The following PACC1 variants were observed in gnomAD, a reference collection of about 807,000 sequenced individuals.
PACC1 encodes the protein proton-activated chloride channel.
Under a neutral mutation model 39.7 loss-of-function variants are expected in PACC1, and 34 were observed. The observed-to-expected ratio is 0.86, with a 90% CI of 0.65 to 1.14. The LOEUF (loss-of-function observed/expected upper bound fraction) is 1.14. PACC1 is among the 50% of genes most tolerant of loss of function. The probability of loss-of-function intolerance (pLI) is 0.00; values close to 1 mark genes in which losing one functional copy is unlikely to be tolerated. For synonymous variants in PACC1, 127 were observed against 160.6 expected, an observed-to-expected ratio of 0.79 and a Z score of 1.58; for missense variants, 379 against 436.4, an observed-to-expected ratio of 0.87 and a Z score of 1.17.
intron 2 of PACC1, among the ~76,000 whole-genome samples, chr1:212,406,739 A>C (rs1661935028): frequency 6.6e-6 from 1 of 152,238 alleles, no homozygotes; most frequent in Non-Finnish European, 1.5e-5. Context: ...GGAACTACCC[A>C]AAATTTGCTC....
At chr1:212,373,715 A>C (rs1458746717) in intron 7 of PACC1, among the ~76,000 whole-genome samples, 1 of 152,222 alleles carries the variant, frequency 6.6e-6, no homozygotes, top group Admixed American at 6.5e-5. Context: ...TTATCCCAAA[A>C]GATGATATTC....
chr1:212,407,075 G>A (rs1265488694), intron 2 of PACC1, among the ~76,000 whole-genome samples: 1 of 152,212 alleles, frequency 6.6e-6, no homozygotes, highest in Admixed American at 6.5e-5. Flanking sequence ...TGGAAAAGGG[G>A]AATTAGGGCA....
In PACC1 at chr1:212,365,165, A is replaced by T. The variant is rs933670407; in HGVS notation, c.*50T>A. On this transcript the variant is annotated 3_prime_UTR_variant, in exon 8 of 8. Coordinates refer to ENST00000261455, the MANE Select transcript of PACC1 (RefSeq NM_018252.3). ...TAGCTCCGTTTACAAAGTGGAAGTG[A>T]TGACAGCTCCCATTGATGTGGACAG... 3.2e-6 allele frequency: 5 copies of T among 1,572,870 alleles called. No homozygotes were observed. The highest frequency in any genetic ancestry group is 4.3e-6 in the Non-Finnish European group (5 of 1,157,352).
At chr1:212,392,015 C>T (rs1182330894) in intron 2 of PACC1, among the ~76,000 whole-genome samples, 1 of 152,198 alleles carries the variant, frequency 6.6e-6, no homozygotes, top group African/African-American at 2.4e-5. Flanking sequence ...TTGGAAAACA[C>T]TCTGCAGGAT....
In PACC1 at chr1:212,386,836, C is replaced by A. The variant is rs938261201; in HGVS notation, c.343+55G>T. ...ACAACGGCAGCTCAGGGAGTATCTGCCAGCTGACACCCTAGATCTGGGGCC... is the reference window on the plus strand; with the variant it reads ...ACAACGGCAGCTCAGGGAGTATCTGACAGCTGACACCCTAGATCTGGGGCC... On this transcript the variant is annotated intron_variant, in intron 3 of 7. Transcript: ENST00000261455. The surrounding 1 kb of genome is among the most constrained non-coding windows in gnomAD (Gnocchi z 5.0). 41 of 1,567,058 alleles carry A rather than the reference C, an allele frequency of 2.6e-5. No homozygotes were observed. The highest frequency in any genetic ancestry group is 3.2e-5 in the Non-Finnish European group (36 of 1,139,264).
intron 2 of PACC1, among the ~76,000 whole-genome samples, chr1:212,396,839 TC>T (rs1661544217): frequency 6.8e-6 from 1 of 147,444 alleles, no homozygotes; most frequent in Non-Finnish European, 1.5e-5. Flanking sequence ...TATCTATCTA[TC>T]TATCTATCTA....
chr1:212,399,402 TTAA>T (rs527649672), intron 2 of PACC1, among the ~76,000 whole-genome samples: 193 of 152,286 alleles, frequency 1.3e-3, no homozygotes, highest in African/African-American at 4.6e-3. Context: ...ATTACAGTCA[TTAA>T]TAATAAAAGA....
chr1:212,407,559 A>T (rs920864111), intron 2 of PACC1, among the ~76,000 whole-genome samples: 4 of 152,248 alleles, frequency 2.6e-5, no homozygotes, highest in African/African-American at 9.6e-5. Context: ...GCAATGCCTC[A>T]TGTCAGAGGG....
chr1:212,410,192 A>G, intron 2 of PACC1: 1 of 518,914 alleles, frequency 1.9e-6, no homozygotes, highest in Non-Finnish European at 3.5e-6. Context: ...CATTGTATGC[A>G]ATGACCTGAC....
chr1:212,370,755 AAAC>A (rs1394375651), intron 7 of PACC1, among the ~76,000 whole-genome samples: 6 of 152,214 alleles, frequency 3.9e-5, no homozygotes, highest in Non-Finnish European at 7.3e-5. Context: ...ATGAAAATGG[AAAC>A]AATATACCAA....
chr1:212,406,105 C>CAAAA (rs58332482), intron 2 of PACC1, among the ~76,000 whole-genome samples: 40 of 55,612 alleles, frequency 7.2e-4, no homozygotes, highest in East Asian at 2.8e-3. Flanking sequence ...TCCCACCCCA[C>CAAAA]AAAAAAAAAA....
At chr1:212,389,696 G>C (rs879874453) in intron 2 of PACC1, among the ~76,000 whole-genome samples, 2 of 152,134 alleles carry the variant, frequency 1.3e-5, no homozygotes, top group Admixed American at 1.3e-4. Flanking sequence ...TAGAGAAACA[G>C]AAACTAATAA....
chr1:212,411,585 C>T (rs553548123), intron 1 of PACC1, among the ~76,000 whole-genome samples: 6 of 152,122 alleles, frequency 3.9e-5, no homozygotes, highest in African/African-American at 1.4e-4. Context: ...CAAGAGAGCT[C>T]AAGACCAGAG....
intron 7 of PACC1, among the ~76,000 whole-genome samples, chr1:212,372,498 G>A (rs1293361158): frequency 1.3e-5 from 2 of 152,048 alleles, no homozygotes; most frequent in Non-Finnish European, 2.9e-5. Flanking sequence ...GTCCTAGCCA[G>A]AGCAATTAGA....
At chr1:212,369,097 G>A (rs1660351608) in intron 7 of PACC1, among the ~76,000 whole-genome samples, 1 of 151,908 alleles carries the variant, frequency 6.6e-6, no homozygotes, top group African/African-American at 2.4e-5. Flanking sequence ...GAGGAGTATG[G>A]AGTTGAAGTG....
intron 6 of PACC1, 75 bp from the exon 7 acceptor site, chr1:212,375,375 G>T: frequency 9.4e-7 from 1 of 1,064,736 alleles, no homozygotes; most frequent in Non-Finnish European, 1.5e-6. Flanking sequence ...CGAAAGGAGA[G>T]AGAGTAGGCA....
intron 2 of PACC1, among the ~76,000 whole-genome samples, chr1:212,399,866 C>T (rs955494668): frequency 6.6e-5 from 10 of 151,190 alleles, no homozygotes; most frequent in South Asian, 2.1e-4. Flanking sequence ...TTTTTTGAGA[C>T]GGAGTTTCAC....
chr1:212,367,464 T>C (rs1324537348), intron 7 of PACC1, among the ~76,000 whole-genome samples: 1 of 151,364 alleles, frequency 6.6e-6, no homozygotes, highest in Non-Finnish European at 1.5e-5. Flanking sequence ...GTGAAAAGAG[T>C]ATTAGGCCCA....
At chr1:212,405,873 G>A (rs896401026) in intron 2 of PACC1, among the ~76,000 whole-genome samples, 1 of 152,054 alleles carries the variant, frequency 6.6e-6, no homozygotes. Context: ...TCAGAGCAAT[G>A]GCTTGCACCT....
Sources: allele counts gnomAD v4.1 joint callset (sites outside exome capture counted in the v4.1 genomes callset), GRCh38; gene constraint gnomAD v4.1.1; non-coding constraint Gnocchi (gnomAD v3.1); transcripts MANE v1.5; gene names NCBI Gene and HGNC (gene_info 2026-07-23, HGNC 2026-07-21).